The following PRKN variants were observed in gnomAD, a reference collection of about 807,000 sequenced individuals.
The protein encoded by PRKN is E3 ubiquitin-protein ligase parkin.
PRKN carries 56 observed loss-of-function variants against 59.5 expected under a neutral mutation model. That is an observed-to-expected ratio of 0.94 (90% CI 0.76 to 1.18). The LOEUF (loss-of-function observed/expected upper bound fraction) is 1.18, where lower values mean the gene tolerates loss of function less well. Ranked by LOEUF, PRKN falls within the 50% of genes most tolerant of loss-of-function variation. PRKN has a pLI of 0.00. For synonymous variants in PRKN, 250 were observed against 222.1 expected (o/e 1.13, Z -1.12); for missense variants, 657 against 596.4 (o/e 1.10, Z -1.06).
intron 2 of PRKN, among the ~76,000 whole-genome samples, chr6:162,378,492 C>T (rs1237142629): frequency 2.0e-5 from 3 of 152,220 alleles, no homozygotes; most frequent in Non-Finnish European, 4.4e-5. Context: ...AGAAGAGCAA[C>T]GTCATCAGCA....
At chr6:162,286,525 G>A (rs910748501) in intron 2 of PRKN, among the ~76,000 whole-genome samples, 3 of 152,146 alleles carry the variant, frequency 2.0e-5, no homozygotes, top group Non-Finnish European at 2.9e-5. Flanking sequence ...TTTATCATGT[G>A]GGATTAGCAT....
At chr6:162,585,119 T>G (rs1780991943) in intron 1 of PRKN, among the ~76,000 whole-genome samples, 2 of 151,414 alleles carry the variant, frequency 1.3e-5, no homozygotes, top group South Asian at 4.2e-4. Context: ...CAGGCTGGTC[T>G]TGAACTCCTG....
intron 1 of PRKN, among the ~76,000 whole-genome samples, chr6:162,676,138 A>G (rs528139739): frequency 9.6e-4 from 146 of 152,336 alleles, no homozygotes; most frequent in African/African-American, 3.4e-3. Context: ...AATACAAAAG[A>G]AAGTGTTCAG....
At chr6:162,106,057 A>G (rs756125784) in intron 4 of PRKN, among the ~76,000 whole-genome samples, 1 of 152,218 alleles carries the variant, frequency 6.6e-6, no homozygotes. Context: ...GTGGTGAAAA[A>G]TGTGGATAGA....
chr6:162,556,342 G>GGT (rs202002846), intron 1 of PRKN, among the ~76,000 whole-genome samples: 1,411 of 57,004 alleles, frequency 0.025, 23 homozygotes, highest in East Asian at 0.076. Context: ...CTACTCAGCT[G>GGT]GTGTGTGTGT....
In PRKN at chr6:162,592,881, C is replaced by A. The variant is rs572414666; in HGVS notation, c.7+134781G>T. ...AGCTGTAAAAGGATGAAATGTAATG[C>A]GATCTCAGAATGTATGTCAAAGATA... is the stretch of plus-strand genomic sequence containing the variant. On this transcript the variant is annotated intron_variant, in intron 1 of 11. Coordinates refer to ENST00000366898, the MANE Select transcript of PRKN (RefSeq NM_004562.3). Among the ~76,000 whole-genome samples, 21 of 146,158 alleles carry A rather than the reference C, an allele frequency of 1.4e-4. No individual in the cohort carries two copies. The East Asian group carries it at 3.9e-3, about 27-fold the overall frequency.
intron 1 of PRKN, among the ~76,000 whole-genome samples, chr6:162,662,553 A>G (rs573299124): frequency 2.6e-5 from 4 of 152,250 alleles, no homozygotes; most frequent in African/African-American, 9.6e-5. Context: ...TAATAGTTTC[A>G]GGTCTTACAT....
In PRKN at chr6:161,385,086, C is replaced by T. The variant is rs1476401035; in HGVS notation, c.1167+1708G>A. On this transcript the variant is annotated intron_variant, in intron 10 of 11. Transcript: ENST00000366898. The surrounding 1 kb of genome is among the most constrained non-coding windows in gnomAD (Gnocchi z 4.9). ...CTGGGATTACAGGTGCACGCCACCA[C>T]ACCCAGCTAATTTTTGTATTTTTAG... Among the ~76,000 whole-genome samples, 1 of 152,128 alleles carries T rather than the reference C, an allele frequency of 6.6e-6. No individual in the cohort carries two copies. The highest frequency in any genetic ancestry group is 6.5e-5 in the Admixed American group (1 of 15,270).
chr6:161,854,103 A>AAC, intron 6 of PRKN, among the ~76,000 whole-genome samples: 1 of 151,282 alleles, frequency 6.6e-6, no homozygotes, highest in Admixed American at 6.6e-5. Flanking sequence ...AAAAAAAAAA[A>AAC]AATTAGCCAG....
At chr6:162,099,261 T>C (rs974391480) in intron 4 of PRKN, among the ~76,000 whole-genome samples, 9 of 152,230 alleles carry the variant, frequency 5.9e-5, no homozygotes, top group African/African-American at 1.7e-4. Flanking sequence ...ACCTTGACCA[T>C]TCAGGGCATT....
chr6:161,927,297 A>T (rs762339348), intron 6 of PRKN, among the ~76,000 whole-genome samples: 10 of 152,244 alleles, frequency 6.6e-5, no homozygotes, highest in Non-Finnish European at 1.3e-4. Context: ...GAGCTTAATC[A>T]AAACCGTGAA....
chr6:162,189,069 T>C (rs1784154089), intron 4 of PRKN, among the ~76,000 whole-genome samples: 1 of 151,942 alleles, frequency 6.6e-6, no homozygotes, highest in South Asian at 2.1e-4. Context: ...ATTCCTACTC[T>C]AATTACCTTC....
chr6:162,512,997 T>TAAATATG lies in PRKN; in HGVS notation c.8-69531_8-69525dup, dbSNP rs1248566790. 4.6e-5 allele frequency among the ~76,000 whole-genome samples: 7 copies of TAAATATG among 152,264 alleles called. No individual in the cohort carries two copies. The East Asian group carries it at 1.4e-3, about 29-fold the overall frequency. ...AGGGCTGGCACAAATCCTAAACTTT[T>TAAATATG]AAATATGTTTCTCATATAGAGCACA... is the stretch of plus-strand genomic sequence containing the variant. On this transcript the variant is annotated intron_variant, in intron 1 of 11. Coordinates refer to ENST00000366898, the MANE Select transcript of PRKN (RefSeq NM_004562.3).
At chr6:162,498,424 G>T (rs1409897365) in intron 1 of PRKN, among the ~76,000 whole-genome samples, 11 of 18,830 alleles carry the variant, frequency 5.8e-4, no homozygotes, top group Admixed American at 1.8e-3. Flanking sequence ...TTGAGATGGA[G>T]TTTCTTTCCT....
chr6:161,486,284 G>T (rs4142066), intron 9 of PRKN, among the ~76,000 whole-genome samples: 63,028 of 151,828 alleles, frequency 0.42, 15,983 homozygotes, highest in Middle Eastern at 0.58. Context: ...ATTTTGTAAT[G>T]CACTTTATTA....
At chr6:162,598,853 CAAAAAAAAA>C (rs35219327) in intron 1 of PRKN, among the ~76,000 whole-genome samples, 1 of 106,910 alleles carries the variant, frequency 9.4e-6, no homozygotes, top group Non-Finnish European at 1.9e-5. Context: ...ATTCTGTCAC[CAAAAAAAAA>C]AAAAAAAAGC....
chr6:161,719,267 G>T (rs1056064758), intron 7 of PRKN, among the ~76,000 whole-genome samples: 1 of 151,522 alleles, frequency 6.6e-6, no homozygotes, highest in African/African-American at 2.4e-5. Context: ...AAGAGTTGCA[G>T]GAGAAATAAA....
intron 3 of PRKN, among the ~76,000 whole-genome samples, chr6:162,233,776 G>C (rs1202091178): frequency 6.6e-6 from 1 of 152,150 alleles, no homozygotes; most frequent in Non-Finnish European, 1.5e-5. Context: ...TGAGGTCATC[G>C]CAGAGGGGAC....
intron 1 of PRKN, among the ~76,000 whole-genome samples, chr6:162,701,853 A>T (rs1168516691): frequency 3.3e-5 from 4 of 121,558 alleles, no homozygotes; most frequent in Admixed American, 9.5e-5. Context: ...ACACACACTC[A>T]CATACATACA....
Sources: gnomAD v4.1 joint callset for allele counts (sites outside exome capture counted in the v4.1 genomes callset) on GRCh38, gnomAD v4.1.1 for gene constraint, Gnocchi (gnomAD v3.1) non-coding constraint, MANE v1.5 for transcripts, NCBI Gene and HGNC (gene_info 2026-07-23, HGNC 2026-07-21) for gene names.